Variants in NEK9 observed in about 807,000 individuals in gnomAD.
The protein encoded by NEK9 is serine/threonine-protein kinase Nek9.
NEK9 carries 75 observed loss-of-function variants against 123.4 expected under a neutral mutation model. The observed-to-expected ratio is 0.61, with a 90% CI of 0.50 to 0.74. The LOEUF is 0.74. NEK9 is among the 30% of genes least tolerant of loss of function. The pLI is 0.00. For missense variants in NEK9, 952 were observed against 1,214.4 expected, an observed-to-expected ratio of 0.78 and a Z score of 3.21; for synonymous variants, 438 against 458.7, an observed-to-expected ratio of 0.95 and a Z score of 0.58.
rs770918310 is a variant in NEK9 at position 75,083,312 on chromosome 14, G to C, written c.*1252C>G. 3.1e-5 allele frequency: 12 copies of C among 387,012 alleles called. No individual in the cohort carries two copies. The highest frequency in any genetic ancestry group is 5.0e-5 in the Non-Finnish European group (11 of 219,324). The allele number at this position is 387,012 out of a possible 1,614,324, so 24.0% of individuals were successfully genotyped here. ...AATACTTGCCTAGAACTTTCTATATGAAGTTTTGTTCTTCTATGACACTAT... is the reference window on the plus strand; with the variant it reads ...AATACTTGCCTAGAACTTTCTATATCAAGTTTTGTTCTTCTATGACACTAT... On this transcript the variant is annotated 3_prime_UTR_variant, in exon 22 of 22. Coordinates refer to ENST00000238616, the MANE Select transcript of NEK9 (RefSeq NM_033116.6).
chr14:75,098,654 C>A (rs1286861532), intron 16 of NEK9, among the ~76,000 whole-genome samples: 1 of 152,134 alleles, frequency 6.6e-6, no homozygotes, highest in African/African-American at 2.4e-5. Context: ...TCCTTGAAAG[C>A]AGGAGTTTTC....
In NEK9 at chr14:75,107,393, T is replaced by C. The variant is rs1221760235; in HGVS notation, c.1277A>G (p.Lys426Arg). The change falls in exon 11 of 22, where the codon AAA becomes AGA. Residue 426 changes from lysine to arginine, a missense_variant. This residue lies in a region of NEK9 where 698 missense variants were observed against 875.6 expected (regional missense o/e 0.80). Transcript: ENST00000238616. ...QPKHVEKLQG[K>R]AIRQVSCGDD... ...ACCACATGACACCTGACGGATAGCT[T>C]TGCCTTGCAACTTTTCCACATGCTT... The C allele has an allele frequency of 1.2e-6, 2 of 1,613,858 alleles. No individual in the cohort carries two copies. Among genetic ancestry groups the C allele is most frequent in the Admixed American group, 1.7e-5 (1 of 59,970 alleles).
In NEK9 at chr14:75,088,634, T is replaced by C. The variant is rs1376084703; in HGVS notation, c.2450A>G (p.Glu817Gly). Residue 817 changes from glutamate to glycine, a missense_variant, in exon 20 of 22, where the codon GAA (glutamate) becomes GGA (glycine). By Grantham distance (98) the Glu-to-Gly change is moderately conservative. Around this residue, in one of 4 missense-constraint regions of NEK9, gnomAD observed 698 missense variants for 875.6 expected, o/e 0.80. Coordinates refer to ENST00000238616, the MANE Select transcript of NEK9 (RefSeq NM_033116.6). ...AGGCATGGGGATAAATTCTGCATTT[T>C]CCAGCTCCTATGTATATGAGAAAGA... ...SCPGWLRKELENAEFIPMPDS... is the reference protein window; with the variant it reads ...SCPGWLRKELGNAEFIPMPDS... The C allele has an allele frequency of 3.1e-6, 5 of 1,613,548 alleles. No homozygotes were observed. The highest frequency in any genetic ancestry group is 4.2e-6 in the Non-Finnish European group (5 of 1,179,832).
intron 1 of NEK9, among the ~76,000 whole-genome samples, chr14:75,125,237 AATG>A (rs1473717860): frequency 9.2e-5 from 14 of 152,206 alleles, no homozygotes; most frequent in Admixed American, 8.5e-4. Context: ...CATACACTGA[AATG>A]ATATTTGTTC....
intron 13 of NEK9, 122 bp downstream of exon 13, chr14:75,105,828 C>T: frequency 2.7e-6 from 2 of 752,182 alleles, no homozygotes; most frequent in South Asian, 3.5e-5. Flanking sequence ...TTGTCAGTCT[C>T]CCAAACAGGA....
chr14:75,108,726 T>A (rs1480710305), intron 10 of NEK9, among the ~76,000 whole-genome samples: 2 of 151,842 alleles, frequency 1.3e-5, no homozygotes, highest in African/African-American at 4.8e-5. Flanking sequence ...AGCTAACTTT[T>A]GTATTTTTAG....
chr14:75,117,953 A>C (rs1350920787), intron 5 of NEK9, among the ~76,000 whole-genome samples: 1 of 152,228 alleles, frequency 6.6e-6, no homozygotes, highest in African/African-American at 2.4e-5. Flanking sequence ...TTAAGCAGCA[A>C]AGCAAAGCAA....
At chr14:75,084,823 A>T in intron 21 of NEK9, 137 bp from the exon 22 acceptor site, 2 of 1,048,414 alleles carry the variant, frequency 1.9e-6, no homozygotes, top group Admixed American at 2.1e-5. Flanking sequence ...CGATCTTGTG[A>T]GACGCTCATG....
intron 12 of NEK9, 167 bp from the exon 13 acceptor site, chr14:75,106,163 G>A (rs1208715889): frequency 1.5e-6 from 1 of 646,286 alleles, no homozygotes; most frequent in Non-Finnish European, 2.8e-6. Context: ...AGCGAGACAA[G>A]CCTGGCCAGT....
chr14:75,091,093 G>T (rs1294947193), intron 19 of NEK9, among the ~76,000 whole-genome samples, 177 bp downstream of exon 19: 1 of 151,850 alleles, frequency 6.6e-6, no homozygotes, highest in Admixed American at 6.6e-5. Flanking sequence ...TATCTTTTTG[G>T]AAAGAAAAAA....
rs549984240 is a variant in NEK9 at position 75,081,246 on chromosome 14, A to G, written c.*3318T>C. On this transcript the variant is annotated 3_prime_UTR_variant, in exon 22 of 22. Transcript: ENST00000238616. This position sits in a 1 kb window ranked among gnomAD's most constrained non-coding sequence, Gnocchi z 4.2. ...GGCGTGAGCCACTGCGTCTGGCCCG[A>G]GACAGTATTTCTTAACAGCAATGTA... The G allele has an allele frequency of 3.9e-5, 6 of 152,368 alleles. No individual in the cohort carries two copies. Among genetic ancestry groups the G allele is most frequent in the African/African-American group, 1.4e-4 (6 of 41,572 alleles). 9.4% of individuals were successfully genotyped at this position (152,368 alleles called of 1,614,324 possible).
chr14:75,102,848 A>C (rs1379713091), intron 14 of NEK9, among the ~76,000 whole-genome samples: 1 of 152,212 alleles, frequency 6.6e-6, no homozygotes, highest in East Asian at 1.9e-4. Context: ...ACAAAAAGGA[A>C]ACTAAGACGC....
At chr14:75,105,792 C>G (rs1894751275) in intron 13 of NEK9, among the ~76,000 whole-genome samples, 158 bp downstream of exon 13, 1 of 152,202 alleles carries the variant, frequency 6.6e-6, no homozygotes, top group Non-Finnish European at 1.5e-5. Context: ...GACAAGACCA[C>G]AGGGTGCTAA....
Position 75,084,154 on chromosome 14 carries a change from C to T in NEK9, c.*410G>A. 5.3e-6 allele frequency: 1 copy of T among 190,078 alleles called. No homozygotes were observed. Among genetic ancestry groups the T allele is most frequent in the Non-Finnish European group, 1.1e-5 (1 of 89,380 alleles). 11.8% of individuals were successfully genotyped at this position (190,078 alleles called of 1,614,324 possible). On this transcript the variant is annotated 3_prime_UTR_variant, in exon 22 of 22. Coordinates refer to ENST00000238616, the MANE Select transcript of NEK9 (RefSeq NM_033116.6). ...AACTTTACACTTCTCCCTCTCCCACCCAGAGGGGTAATGCCTGGTACTGAA... is the reference window on the plus strand; with the variant it reads ...AACTTTACACTTCTCCCTCTCCCACTCAGAGGGGTAATGCCTGGTACTGAA...
chr14:75,117,312 T>C lies in NEK9; in HGVS notation c.645A>G (p.Pro215=), dbSNP rs768015663. The change falls in exon 6 of 22, where the codon CCA becomes CCG. Residue 215 remains proline, a synonymous_variant. Coordinates refer to ENST00000238616, the MANE Select transcript of NEK9 (RefSeq NM_033116.6). ...GACAGAGCTCTGGAGACATGTAATATGGGGTTCCCACAAGCTGAGCAACAA... is the reference window on the plus strand; with the variant it reads ...GACAGAGCTCTGGAGACATGTAATACGGGGTTCCCACAAGCTGAGCAACAA... The part of the protein sequence containing the change: ...YSMAETLVGT[P]YYMSPELCQG... The C allele has an allele frequency of 5.6e-6, 9 of 1,609,820 alleles. No individual in the cohort carries two copies. Among genetic ancestry groups the C allele is most frequent in the South Asian group, 2.2e-5 (2 of 90,158 alleles).
intron 17 of NEK9, 34 bp from the exon 18 acceptor site, chr14:75,095,465 T>C (rs1894352550): frequency 1.4e-6 from 2 of 1,473,426 alleles, no homozygotes; most frequent in Non-Finnish European, 1.9e-6. Flanking sequence ...AAGCACTGTA[T>C]ACTGATATAG....
At position 75,101,775 on chromosome 14, in the gene NEK9, A is replaced by G. The variant is rs1594834178; in HGVS notation, c.1732-10T>C. The stretch of plus-strand genomic sequence containing the variant: ...GAACTTCATGGTATGCCTGAAACAA[A>G]ATAAAACACAAAGCAGATGCATGAG... On this transcript the variant is annotated splice_polypyrimidine_tract_variant and intron_variant, in intron 14 of 21. Coordinates refer to ENST00000238616, the MANE Select transcript of NEK9 (RefSeq NM_033116.6). 6.3e-7 allele frequency: 1 copy of G among 1,583,282 alleles called. No homozygotes were observed. Among genetic ancestry groups the G allele is most frequent in the East Asian group, 2.2e-5 (1 of 44,622 alleles).
Position 75,126,860 on chromosome 14 carries a change from T to G in NEK9, c.62A>C (p.Glu21Ala). The stretch of plus-strand genomic sequence containing the variant: ...ACTCGAGTCCCCGCAACCCCCGGAC[T>G]CGCTCCCAAAGTCCGAGTTGATGGA... ...CDSINSDFGS[E>A]SGGCGDSSPG... The change falls in exon 1 of 22, where the codon GAG (glutamate) becomes GCG (alanine). Residue 21 changes from glutamate (E) to alanine (A), a missense_variant. Physicochemically the swap from Glu to Ala is moderately radical, Grantham distance 107. Transcript: ENST00000238616. 1 of 1,529,994 alleles carries G rather than the reference T, an allele frequency of 6.5e-7. No individual in the cohort carries two copies. Among genetic ancestry groups the G allele is most frequent in the Non-Finnish European group, 8.8e-7 (1 of 1,138,712 alleles). The allele number at this position is 1,529,994 out of a possible 1,614,324, so 94.8% of individuals were successfully genotyped here. A position where few individuals can be genotyped will look rare whatever the true frequency, so the allele number is the denominator to read the frequency against.
In NEK9 at chr14:75,097,277, A is replaced by G. The variant is rs542090503; in HGVS notation, c.2003-7T>C. ...CAGGCAAAAATGTGATTATCTAGGA[A>G]AAAAGTTAAACAGTAGACCATTTAA... On this transcript the variant is annotated splice_polypyrimidine_tract_variant and splice_region_variant and intron_variant, in intron 16 of 21. Transcript: ENST00000238616. 6.3e-7 allele frequency: 1 copy of G among 1,591,408 alleles called. No individual in the cohort carries two copies. The highest frequency in any genetic ancestry group is 2.2e-5 in the East Asian group (1 of 44,652).
Sources: gnomAD v4.1 joint callset for allele counts (sites outside exome capture counted in the v4.1 genomes callset) on GRCh38, gnomAD v4.1.1 for gene constraint, gnomAD v4.1.1 regional missense constraint, Gnocchi (gnomAD v3.1) non-coding constraint, MANE v1.5 for transcripts, NCBI Gene and HGNC (gene_info 2026-07-23, HGNC 2026-07-21) for gene names.